Variants in CNTN6 observed in about 807,000 individuals in gnomAD.
CNTN6 encodes contactin-6.
Under a neutral mutation model 122.8 loss-of-function variants are expected in CNTN6, and 137 were observed. The observed-to-expected ratio is 1.12, with a 90% CI of 0.97 to 1.29. The LOEUF (loss-of-function observed/expected upper bound fraction) is 1.29. Among genes scored for constraint, CNTN6 ranks in the 50% most tolerant of loss-of-function variants. The probability of loss-of-function intolerance (pLI) is 0.00; values close to 1 mark genes in which losing one functional copy is unlikely to be tolerated. For missense variants in CNTN6, 1,634 were observed against 1,223.4 expected (o/e 1.34, Z -5.01); for synonymous variants, 570 against 426.0 (o/e 1.34, Z -4.16).
intron 21 of CNTN6, 87 bp downstream of exon 21, chr3:1,401,632 G>C (rs1695722025): frequency 1.3e-6 from 1 of 798,872 alleles, no homozygotes; most frequent in Non-Finnish European, 2.0e-6. Context: ...CAAATTGGAT[G>C]CATATGGAAA....
chr3:1,193,491 T>C (rs2093731192), intron 2 of CNTN6, among the ~76,000 whole-genome samples: 1 of 152,168 alleles, frequency 6.6e-6, no homozygotes, highest in Admixed American at 6.6e-5. Context: ...TAACCATTAA[T>C]GAAATAAGAA....
Position 1,095,171 on chromosome 3 carries a change from T to TA in CNTN6, c.-83+2060dup, listed in dbSNP as rs5846087. 6.7e-4 allele frequency among the ~76,000 whole-genome samples: 101 copies of TA among 150,886 alleles called. 1 individual carries two copies. Among genetic ancestry groups the TA allele is most frequent in the Middle Eastern group, 3.4e-3 (1 of 292 alleles). On this transcript the variant is annotated intron_variant, in intron 1 of 22. Coordinates refer to ENST00000446702, the MANE Select transcript of CNTN6 (RefSeq NM_001289080.2). Reference sequence around the variant, plus strand: ...TAAGAATGAGATCTTATCCTACACTTAAAAAAAAACAGAAATATTGGCCGC... The same window carrying TA: ...TAAGAATGAGATCTTATCCTACACTTAAAAAAAAAACAGAAATATTGGCCGC...
intron 17 of CNTN6, among the ~76,000 whole-genome samples, chr3:1,382,091 G>A: frequency 6.7e-6 from 1 of 149,112 alleles, no homozygotes; most frequent in Non-Finnish European, 1.5e-5. Flanking sequence ...TTATTAGTCT[G>A]TCAGAATATT....
chr3:1,247,371 T>TGTAAATGCCATATTCTA (rs2094597045), intron 4 of CNTN6, among the ~76,000 whole-genome samples: 1 of 152,172 alleles, frequency 6.6e-6, no homozygotes, highest in South Asian at 2.1e-4. Flanking sequence ...TTGTTGTATT[T>TGTAAATGCCATATTCTA]GTAAATGCCA....
At chr3:1,157,890 T>C (rs2093012232) in intron 2 of CNTN6, among the ~76,000 whole-genome samples, 1 of 152,236 alleles carries the variant, frequency 6.6e-6, no homozygotes, top group Non-Finnish European at 1.5e-5. Context: ...TTTATCAATT[T>C]ATCTGTTGAT....
chr3:1,364,444 C>A (rs17038238), intron 12 of CNTN6, among the ~76,000 whole-genome samples: 5,365 of 151,490 alleles, frequency 0.035, 131 homozygotes, highest in South Asian at 0.057. Context: ...ATAACTTCAG[C>A]AACACCTTAG....
chr3:1,251,305 ACTGT>A (rs1362192351), intron 4 of CNTN6, among the ~76,000 whole-genome samples: 4 of 152,092 alleles, frequency 2.6e-5, no homozygotes, highest in South Asian at 2.1e-4. Flanking sequence ...CCCAAATTTG[ACTGT>A]CTGACTCACT....
chr3:1,353,793 G>A (rs1455751847), intron 12 of CNTN6, among the ~76,000 whole-genome samples: 1 of 151,592 alleles, frequency 6.6e-6, no homozygotes, highest in African/African-American at 2.4e-5. Flanking sequence ...TTAAAATGTG[G>A]TGAAGGATAA....
intron 1 of CNTN6, among the ~76,000 whole-genome samples, chr3:1,129,866 A>T (rs1559366507): frequency 2.0e-5 from 3 of 151,684 alleles, no homozygotes; most frequent in Admixed American, 6.6e-5. Flanking sequence ...TTACATCAAG[A>T]CTCTATTCAT....
At chr3:1,277,715 A>T (rs936323198) in intron 4 of CNTN6, among the ~76,000 whole-genome samples, 1 of 152,124 alleles carries the variant, frequency 6.6e-6, no homozygotes, top group African/African-American at 2.4e-5. Context: ...TTTTACAGGT[A>T]AAGAAACTGA....
chr3:1,383,009 C>G lies in CNTN6; in HGVS notation c.2234C>G (p.Ser745Trp). The part of the protein sequence containing the change: ...GYIIMFRPVG[S>W]TTWSKEKVSS... The stretch of plus-strand genomic sequence containing the variant: ...ATCATCATGTTCCGGCCAGTGGGCT[C>G]GACAACCTGGTCCAAGGAGAAAGTG... Residue 745 changes from serine (S) to tryptophan (W), a missense_variant, in exon 18 of 23, where the codon TCG becomes TGG. Ser to Trp is a radical substitution (Grantham distance 177). Transcript: ENST00000446702. The G allele has an allele frequency of 6.2e-7, 1 of 1,614,050 alleles. No individual in the cohort carries two copies. Among genetic ancestry groups the G allele is most frequent in the Non-Finnish European group, 8.5e-7 (1 of 1,179,950 alleles).
chr3:1,259,708 A>T (rs763440054), intron 4 of CNTN6, among the ~76,000 whole-genome samples: 1 of 152,130 alleles, frequency 6.6e-6, no homozygotes, highest in Non-Finnish European at 1.5e-5. Flanking sequence ...TCTGAGCCTT[A>T]ATTTTCTCAT....
In CNTN6 at chr3:1,173,310, T is replaced by C. The variant is rs115836601; in HGVS notation, c.55+25247T>C. 1,993 of 456,634 alleles carry C rather than the reference T, an allele frequency of 4.4e-3. 36 individuals carry two copies. Among genetic ancestry groups the C allele is most frequent in the African/African-American group, 0.036 (1,826 of 50,192 alleles). The allele number at this position is 456,634 out of a possible 1,614,324, so 28.3% of individuals were successfully genotyped here. On this transcript the variant is annotated intron_variant, in intron 2 of 22. Coordinates refer to ENST00000446702, the MANE Select transcript of CNTN6 (RefSeq NM_001289080.2). ...AGTGCCCTTATATCACCTGGCGGTT[T>C]GCAAAGAGGTGAGTGTGAATGCTCC...
intron 11 of CNTN6, among the ~76,000 whole-genome samples, chr3:1,332,819 T>G (rs1040927768): frequency 6.6e-6 from 1 of 152,086 alleles, no homozygotes; most frequent in Non-Finnish European, 1.5e-5. Flanking sequence ...TCTACATCTT[T>G]GGTCTGAACC....
At chr3:1,152,904 A>G (rs1352200621) in intron 2 of CNTN6, among the ~76,000 whole-genome samples, 3 of 152,194 alleles carry the variant, frequency 2.0e-5, no homozygotes, top group African/African-American at 4.8e-5. Flanking sequence ...CTCAAACATA[A>G]TAAACAATAG....
Position 1,281,864 on chromosome 3 carries a change from T to C in CNTN6, c.454+3356T>C, listed in dbSNP as rs968137584. ...GGGAGAAATCATGTTAAACTTGATA[T>C]TATCAGAATATCCTGAATTCTTTAT... On this transcript the variant is annotated intron_variant, in intron 5 of 22. Coordinates refer to ENST00000446702, the MANE Select transcript of CNTN6 (RefSeq NM_001289080.2). Among the ~76,000 whole-genome samples the C allele has an allele frequency of 5.0e-4, 76 of 152,212 alleles. 1 individual carries two copies. Among genetic ancestry groups the C allele is most frequent in the African/African-American group, 1.8e-3 (73 of 41,442 alleles).
chr3:1,388,351 C>G (rs1200905911), intron 20 of CNTN6, among the ~76,000 whole-genome samples: 9 of 146,614 alleles, frequency 6.1e-5, no homozygotes, highest in East Asian at 3.9e-4. Context: ...AGCTGAGGGT[C>G]CTGTCTGTTA....
intron 20 of CNTN6, among the ~76,000 whole-genome samples, chr3:1,390,880 C>G (rs1354181366): frequency 4.0e-5 from 6 of 150,670 alleles, no homozygotes. Context: ...TCTGAATAGA[C>G]CAATAACAGG....
At chr3:1,160,089 G>A (rs2093089087) in intron 2 of CNTN6, among the ~76,000 whole-genome samples, 2 of 151,962 alleles carry the variant, frequency 1.3e-5, no homozygotes, top group Admixed American at 6.6e-5. Flanking sequence ...AAAGTGCTGG[G>A]ATTACAGACA....
Sources: gnomAD v4.1 joint callset for allele counts (sites outside exome capture counted in the v4.1 genomes callset) on GRCh38, gnomAD v4.1.1 for gene constraint, MANE v1.5 for transcripts, NCBI Gene and HGNC (gene_info 2026-07-23, HGNC 2026-07-21) for gene names.